Variants in GREB1 observed in about 807,000 individuals in gnomAD.
The protein encoded by GREB1 is growth regulating estrogen receptor binding 1.
Under a neutral mutation model 200.7 loss-of-function variants are expected in GREB1, and 106 were observed. The ratio of observed to expected loss-of-function variants is 0.53; its 90% CI spans 0.45 to 0.62. The LOEUF (loss-of-function observed/expected upper bound fraction) is 0.62. Among genes scored for constraint, GREB1 ranks in the 20% least tolerant of loss-of-function variants. The probability of loss-of-function intolerance (pLI) is 0.00; values close to 1 mark genes in which losing one functional copy is unlikely to be tolerated. For synonymous variants in GREB1, 1,132 were observed against 1,092.4 expected (o/e 1.04, Z -0.72); for missense variants, 2,243 against 2,556.8 (o/e 0.88, Z 2.65).
At position 11,610,820 on chromosome 2, in the gene GREB1, G is replaced by A; in HGVS notation, c.2799G>A (p.Gln933=). ...YTSVETLEIT[Q]NLLNSPKQCP... ...CGGTGGAGACGCTGGAGATCACGCA[G>A]AACCTCCTCAACTCCCCGAAGCAGT... is the stretch of plus-strand genomic sequence containing the variant. The change falls in exon 18 of 33, where the codon CAG becomes CAA. Residue 933 remains glutamine (Q), a synonymous_variant. Transcript: ENST00000381486. The A allele has an allele frequency of 6.2e-7, 1 of 1,613,482 alleles. No homozygotes were observed. The highest frequency in any genetic ancestry group is 1.1e-5 in the South Asian group (1 of 91,088).
chr2:11,584,790 G>A (rs942269509), intron 7 of GREB1: 23 of 166,142 alleles, frequency 1.4e-4, no homozygotes, highest in African/African-American at 4.8e-4. Context: ...GCGGTGGCGC[G>A]TGCCTGTAGT....
chr2:11,491,244 A>G (rs948949298), intron 1 of GREB1, among the ~76,000 whole-genome samples: 3 of 152,244 alleles, frequency 2.0e-5, no homozygotes, highest in South Asian at 2.1e-4. Flanking sequence ...TTTCCTTGGC[A>G]TGGTATAAAT....
chr2:11,558,760 G>T (rs188346236), intron 2 of GREB1, among the ~76,000 whole-genome samples: 1 of 152,164 alleles, frequency 6.6e-6, no homozygotes, highest in African/African-American at 2.4e-5. Context: ...GTTTGTCGGG[G>T]TTTCTTATCT....
At chr2:11,520,506 C>G (rs567599391) in intron 1 of GREB1, among the ~76,000 whole-genome samples, 6 of 152,178 alleles carry the variant, frequency 3.9e-5, no homozygotes, top group African/African-American at 7.2e-5. Flanking sequence ...TTCCTAGCTT[C>G]TAGAGGCCAC....
intron 8 of GREB1, 32 bp from the exon 9 acceptor site, chr2:11,585,730 A>G (rs762592026): frequency 1.2e-6 from 2 of 1,611,362 alleles, no homozygotes; most frequent in African/African-American, 2.7e-5. Context: ...GCCTTGTCTG[A>G]TGTTTTCACT....
intron 30 of GREB1, among the ~76,000 whole-genome samples, chr2:11,635,760 A>G (rs1685262999): frequency 6.6e-6 from 1 of 152,208 alleles, no homozygotes; most frequent in Admixed American, 6.5e-5. Flanking sequence ...ATGGCTCTGC[A>G]GGCTGGCCCC....
intron 9 of GREB1, 180 bp from the exon 10 acceptor site, chr2:11,588,566 T>C: frequency 1.5e-6 from 1 of 681,450 alleles, no homozygotes; most frequent in East Asian, 2.7e-5. Flanking sequence ...CCTCTCATCC[T>C]AGGCTCCAGG....
chr2:11,595,194 C>A, intron 11 of GREB1, 57 bp from the exon 12 acceptor site: 3 of 1,524,220 alleles, frequency 2.0e-6, no homozygotes, highest in Non-Finnish European at 2.7e-6. Flanking sequence ...TCTAGGGCTA[C>A]ACAGCCCGTA....
chr2:11,544,038 C>T (rs1675008123), intron 1 of GREB1, among the ~76,000 whole-genome samples: 2 of 152,048 alleles, frequency 1.3e-5, no homozygotes, highest in South Asian at 4.2e-4. Context: ...GAGTTCCAGC[C>T]CATTCTGGGA....
At chr2:11,625,032 C>G in intron 23 of GREB1, 122 bp from the exon 24 acceptor site, 1 of 781,080 alleles carries the variant, frequency 1.3e-6, no homozygotes, top group Non-Finnish European at 2.2e-6. Context: ...GATGTTAGCA[C>G]AGTGACAGAA....
intron 23 of GREB1, 111 bp from the exon 24 acceptor site, chr2:11,625,043 T>G (rs1684327732): frequency 3.6e-6 from 3 of 836,084 alleles, no homozygotes; most frequent in Non-Finnish European, 5.9e-6. Flanking sequence ...AGTGACAGAA[T>G]CGCCTGATGT....
At position 11,556,499 on chromosome 2, in the gene GREB1, G is replaced by C; in HGVS notation, c.-116G>C. ...CACCCTTTCTTCGTCTCTGCTGAGC[G>C]AAGGCTACACGGCCCTTCCTCCTTG... On this transcript the variant is annotated 5_prime_UTR_variant, in exon 2 of 33. Coordinates refer to ENST00000381486, the MANE Select transcript of GREB1 (RefSeq NM_014668.4). 1 of 788,546 alleles carries C rather than the reference G, an allele frequency of 1.3e-6. No individual in the cohort carries two copies. Among genetic ancestry groups the C allele is most frequent in the South Asian group, 2.0e-5 (1 of 48,892 alleles). 48.8% of individuals were successfully genotyped at this position (788,546 alleles called of 1,614,324 possible).
chr2:11,503,833 C>T (rs1332303172), intron 1 of GREB1, among the ~76,000 whole-genome samples: 2 of 117,236 alleles, frequency 1.7e-5, no homozygotes, highest in Non-Finnish European at 3.5e-5. Context: ...ACAGGTTTTC[C>T]ACAATATTCA....
chr2:11,503,965 A>G (rs948728100), intron 1 of GREB1, among the ~76,000 whole-genome samples: 3 of 152,190 alleles, frequency 2.0e-5, no homozygotes, highest in Non-Finnish European at 4.4e-5. Context: ...ATACACACCT[A>G]TGATAAAGTT....
chr2:11,568,454 C>T (rs181642445), intron 4 of GREB1, among the ~76,000 whole-genome samples: 2 of 152,366 alleles, frequency 1.3e-5, no homozygotes, highest in Admixed American at 6.5e-5. Context: ...GAGGCAGGCT[C>T]ATGGAGTCAC....
chr2:11,567,526 AGTC>A, intron 4 of GREB1, among the ~76,000 whole-genome samples: 1 of 152,316 alleles, frequency 6.6e-6, no homozygotes, highest in South Asian at 2.1e-4. Context: ...TTCAAACCCA[AGTC>A]TTCCTGGCTC....
intron 1 of GREB1, among the ~76,000 whole-genome samples, chr2:11,517,875 G>C (rs1437994006): frequency 6.6e-6 from 1 of 152,050 alleles, no homozygotes; most frequent in African/African-American, 2.4e-5. Flanking sequence ...GGATGGTCTC[G>C]ATCTCCTGAC....
In GREB1 at chr2:11,502,396, T is replaced by G. The variant is rs141600408; in HGVS notation, c.-159+20015T>G. Among the ~76,000 whole-genome samples the G allele has an allele frequency of 2.0e-3, 309 of 151,106 alleles. 2 individuals carry two copies. Among genetic ancestry groups the G allele is most frequent in the African/African-American group, 6.2e-3 (257 of 41,126 alleles). ...CCACCAGACCTGGCTAATTTTTTTT[T>G]TTTTTTGTAGAAATAGGGTCTCGCC... is the stretch of plus-strand genomic sequence containing the variant. On this transcript the variant is annotated intron_variant, in intron 1 of 2. Transcript: ENST00000628795.
intron 17 of GREB1, among the ~76,000 whole-genome samples, chr2:11,607,664 T>C (rs1682530951): frequency 8.7e-6 from 1 of 114,984 alleles, no homozygotes; most frequent in East Asian, 3.0e-4. Flanking sequence ...AAAGCACAGT[T>C]TTATGACAAG....
Sources: allele counts gnomAD v4.1 joint callset (sites outside exome capture counted in the v4.1 genomes callset), GRCh38; gene constraint gnomAD v4.1.1; transcripts MANE v1.5; gene names NCBI Gene and HGNC (gene_info 2026-07-23, HGNC 2026-07-21).